Variants in WAC observed in about 807,000 individuals in gnomAD.
WAC encodes WW domain containing adaptor with coiled-coil, also known as WW domain-containing adapter protein with coiled-coil.
Under a neutral mutation model 79.6 loss-of-function variants are expected in WAC, and 11 were observed. The ratio of observed to expected loss-of-function variants is 0.14; its 90% CI spans 0.09 to 0.23. The LOEUF (loss-of-function observed/expected upper bound fraction) is 0.23. Ranked by LOEUF, WAC falls within the 10% of genes least tolerant of loss-of-function variation. The pLI is 1.00. For synonymous variants in WAC, 304 were observed against 276.9 expected, an observed-to-expected ratio of 1.10 and a Z score of -0.97; for missense variants, 728 against 773.5, an observed-to-expected ratio of 0.94 and a Z score of 0.70.
Position 28,620,164 on chromosome 10 carries a change from T to G in WAC, c.*558T>G, listed in dbSNP as rs1841638642. ...TCTCCATTTGTTTTGCAGAGAAATG[T>G]TTTTCATTTCCCGTGTGTTTCCATT... On this transcript the variant is annotated 3_prime_UTR_variant, in exon 14 of 14. Transcript: ENST00000354911. The G allele has an allele frequency of 6.6e-6, 1 of 152,588 alleles. No homozygotes were observed. The highest frequency in any genetic ancestry group is 1.5e-5 in the Non-Finnish European group (1 of 68,032). 9.5% of individuals were successfully genotyped at this position (152,588 alleles called of 1,614,324 possible). A position where few individuals can be genotyped will look rare whatever the true frequency, so the allele number is the denominator to read the frequency against.
At chr10:28,561,201 A>G (rs1007445941) in intron 3 of WAC, among the ~76,000 whole-genome samples, 2 of 152,200 alleles carry the variant, frequency 1.3e-5, no homozygotes, top group Non-Finnish European at 2.9e-5. Context: ...CTTATGTTCT[A>G]TCTTTTAACA....
At chr10:28,555,637 A>G (rs954522814) in intron 3 of WAC, among the ~76,000 whole-genome samples, 8 of 152,200 alleles carry the variant, frequency 5.3e-5, no homozygotes, top group East Asian at 3.8e-4. Context: ...ACCAACTGCT[A>G]TGGTTTGAGT....
intron 3 of WAC, among the ~76,000 whole-genome samples, chr10:28,572,358 A>G (rs958507744): frequency 1.4e-5 from 2 of 146,854 alleles, no homozygotes; most frequent in Non-Finnish European, 3.0e-5. Flanking sequence ...AAAAAAAGCC[A>G]TTAAGGAGAG....
chr10:28,571,849 G>A (rs1838990118), intron 3 of WAC, among the ~76,000 whole-genome samples: 1 of 152,040 alleles, frequency 6.6e-6, no homozygotes, highest in Non-Finnish European at 1.5e-5. Flanking sequence ...CTTGGAAAAG[G>A]GATAATACTC....
At chr10:28,544,000 C>T (rs1054496324) in intron 3 of WAC, among the ~76,000 whole-genome samples, 4 of 152,082 alleles carry the variant, frequency 2.6e-5, no homozygotes, top group South Asian at 2.1e-4. Flanking sequence ...GTGATTTTCC[C>T]GCCACCCAAA....
At position 28,535,580 on chromosome 10, in the gene WAC, A is replaced by C. The variant is rs758329079; in HGVS notation, c.97A>C (p.Lys33Gln). 2 of 1,610,810 alleles carry C rather than the reference A, an allele frequency of 1.2e-6. No individual in the cohort carries two copies. The highest frequency in any genetic ancestry group is 2.7e-5 in the African/African-American group (2 of 74,756). Residue 33 changes from lysine (K) to glutamine (Q), a missense_variant, in exon 3 of 14, where the codon AAG (lysine) becomes CAG (glutamine). Lys to Gln is a moderately conservative substitution (Grantham distance 53, BLOSUM62 1). Transcript: ENST00000354911. ...QPYQALKYSS[K>Q]SHPSSGDHRH... ...TTTACAGGCACTTAAGTATTCATCG[A>C]AGAGTCACCCCAGTAGCGGTGATCA...
intron 6 of WAC, chr10:28,591,123 C>T: frequency 3.4e-6 from 1 of 295,582 alleles, no homozygotes; most frequent in Non-Finnish European, 6.4e-6. Context: ...TCCCCCCAGA[C>T]AGGAGCTTCC....
chr10:28,567,513 A>G (rs1276558433), intron 3 of WAC, among the ~76,000 whole-genome samples: 1 of 152,180 alleles, frequency 6.6e-6, no homozygotes, highest in African/African-American at 2.4e-5. Flanking sequence ...CTGAAGGTTT[A>G]CAGTATTTGA....
At chr10:28,607,108 T>G (rs1446446150) in intron 7 of WAC, among the ~76,000 whole-genome samples, 1 of 152,218 alleles carries the variant, frequency 6.6e-6, no homozygotes, top group Admixed American at 6.5e-5. Flanking sequence ...ATTGGGCAGT[T>G]TGTCTATTTT....
chr10:28,563,703 C>T (rs1442379944), intron 3 of WAC, among the ~76,000 whole-genome samples: 1 of 145,344 alleles, frequency 6.9e-6, no homozygotes, highest in Non-Finnish European at 1.5e-5. Flanking sequence ...CCTCAGCCTC[C>T]TGAGTAGCTG....
intron 7 of WAC, among the ~76,000 whole-genome samples, chr10:28,597,573 GTTCTTT>G (rs1172005865): frequency 6.6e-6 from 1 of 151,822 alleles, no homozygotes; most frequent in Non-Finnish European, 1.5e-5. Context: ...CCTCTGTTTG[GTTCTTT>G]TTCTTGTTAA....
chr10:28,611,799 G>A lies in WAC; in HGVS notation c.1314G>A (p.Met438Ile). The A allele has an allele frequency of 6.2e-7, 1 of 1,614,032 alleles. No individual in the cohort carries two copies. Among genetic ancestry groups the A allele is most frequent in the Non-Finnish European group, 8.5e-7 (1 of 1,180,006 alleles). The change falls in exon 10 of 14, where the codon ATG becomes ATA. Residue 438 changes from methionine to isoleucine, a missense_variant. By Grantham distance (10) the Met-to-Ile change is conservative. This residue lies in a region of WAC where 648 missense variants were observed against 661.5 expected (regional missense o/e 0.98). Coordinates refer to ENST00000354911, the MANE Select transcript of WAC (RefSeq NM_016628.5). ...TQAQPSNQSPMSLTSDASSPR... is the reference protein window; with the variant it reads ...TQAQPSNQSPISLTSDASSPR... ...CCCAGCCATCTAATCAGTCTCCGAT[G>A]TCTTTAACATCTGATGCGTCATCCC...
intron 3 of WAC, among the ~76,000 whole-genome samples, chr10:28,553,917 G>A (rs1345151603): frequency 6.6e-6 from 1 of 152,072 alleles, no homozygotes; most frequent in Non-Finnish European, 1.5e-5. Context: ...TAACCATGCT[G>A]GAGTGCAGTG....
intron 9 of WAC, 39 bp from the exon 10 acceptor site, chr10:28,611,735 T>C (rs1227889809): frequency 6.2e-7 from 1 of 1,600,234 alleles, no homozygotes; most frequent in African/African-American, 1.4e-5. Context: ...TTGTTTTGTT[T>C]TGTTTTTCTT....
chr10:28,539,177 T>A (rs1836863469), intron 3 of WAC, among the ~76,000 whole-genome samples: 1 of 152,198 alleles, frequency 6.6e-6, no homozygotes, highest in South Asian at 2.1e-4. Context: ...CATCACAGCA[T>A]TTTTCAGTAA....
chr10:28,622,993 AATAAATATGTTTTGACTATATTG>A lies in WAC; in HGVS notation c.*3388_*3410del, dbSNP rs1402709867. The A allele has an allele frequency of 5.3e-5, 8 of 152,136 alleles. No individual in the cohort carries two copies. Among genetic ancestry groups the A allele is most frequent in the Non-Finnish European group, 1.0e-4 (7 of 67,992 alleles). The allele number at this position is 152,136 out of a possible 1,614,324, so 9.4% of individuals were successfully genotyped here. A position where few individuals can be genotyped will look rare whatever the true frequency, so the allele number is the denominator to read the frequency against. ...AGTGTACAAAATGACACTGAAAAGTAATAAATATGTTTTGACTATATTGTGCAGTTATTTCAGAACTGTGTTTT... is the reference window on the plus strand; with the variant it reads ...AGTGTACAAAATGACACTGAAAAGTATGCAGTTATTTCAGAACTGTGTTTT... On this transcript the variant is annotated 3_prime_UTR_variant, in exon 14 of 14. Coordinates refer to ENST00000354911, the MANE Select transcript of WAC (RefSeq NM_016628.5).
intron 3 of WAC, among the ~76,000 whole-genome samples, chr10:28,551,784 T>TTGTGTGTGTGTGTGTGTGTG (rs71769370): frequency 3.5e-4 from 44 of 124,806 alleles, no homozygotes; most frequent in African/African-American, 5.4e-4. Context: ...TCCTGTCTAC[T>TTGTGTGTGTGTGTGTGTGTG]TGTGTGTGTG....
chr10:28,594,179 T>C (rs1200981533), intron 6 of WAC, among the ~76,000 whole-genome samples: 1 of 152,202 alleles, frequency 6.6e-6, no homozygotes, highest in Admixed American at 6.5e-5. Flanking sequence ...TTTGTTTTTT[T>C]AATTCAAAAA....
chr10:28,595,298 C>G (rs1371081839), intron 6 of WAC, among the ~76,000 whole-genome samples: 1 of 152,180 alleles, frequency 6.6e-6, no homozygotes, highest in Non-Finnish European at 1.5e-5. Context: ...TGCAGTTGAA[C>G]CACTGTGAAT....
Sources: allele counts gnomAD v4.1 joint callset (sites outside exome capture counted in the v4.1 genomes callset), GRCh38; gene constraint gnomAD v4.1.1; regional missense constraint gnomAD v4.1.1; transcripts MANE v1.5; gene names NCBI Gene and HGNC (gene_info 2026-07-23, HGNC 2026-07-21).